SKAP1: variants seen among roughly 807,000 people sequenced by gnomAD.
The protein encoded by SKAP1 is src kinase-associated phosphoprotein 1.
A neutral mutation model predicts 58.5 loss-of-function variants in SKAP1; 44 were observed. That is an observed-to-expected ratio of 0.75 (90% CI 0.59 to 0.97). The LOEUF is 0.97. Among genes scored for constraint, SKAP1 ranks in the 50% least tolerant of loss-of-function variants. The pLI is 0.00. For missense variants in SKAP1, 390 were observed against 435.2 expected (o/e 0.90, Z 0.92); for synonymous variants, 127 against 149.7 (o/e 0.85, Z 1.11).
At chr17:48,220,713 C>T (rs544647294) in intron 4 of SKAP1, among the ~76,000 whole-genome samples, 52 of 151,716 alleles carry the variant, frequency 3.4e-4, no homozygotes, top group Admixed American at 1.1e-3. Flanking sequence ...AAAAGCCGGG[C>T]GTGGTTGCAC....
chr17:48,243,434 G>A (rs2325886), intron 4 of SKAP1, among the ~76,000 whole-genome samples: 126,719 of 152,196 alleles, frequency 0.83, 52,812 homozygotes, highest in East Asian at 0.95. Context: ...CTTTTTGCAT[G>A]TGTAATTTGT....
At chr17:48,421,860 G>T (rs917653326) in intron 1 of SKAP1, among the ~76,000 whole-genome samples, 3 of 152,090 alleles carry the variant, frequency 2.0e-5, no homozygotes, top group African/African-American at 7.2e-5. Context: ...CCTCCATAAA[G>T]TTTCTCATCA....
chr17:48,144,215 T>C (rs1185617606), intron 11 of SKAP1, among the ~76,000 whole-genome samples: 3 of 152,162 alleles, frequency 2.0e-5, no homozygotes, highest in Admixed American at 1.3e-4. Flanking sequence ...GGTCCCGGGA[T>C]CTGACTGTCT....
intron 11 of SKAP1, among the ~76,000 whole-genome samples, chr17:48,157,114 C>A (rs895280604): frequency 2.0e-5 from 3 of 152,072 alleles, no homozygotes; most frequent in African/African-American, 7.2e-5. Context: ...GGTGAGGAAA[C>A]TGAAGATTAT....
Position 48,241,466 on chromosome 17 carries a change from A to G in SKAP1, c.281-51966T>C, listed in dbSNP as rs572583109. ...CTCAATTTGGGCTGACAGCTCATGA[A>G]CAGATCATCTGAAGTCTTAATAGGC... On this transcript the variant is annotated intron_variant, in intron 4 of 12. Transcript: ENST00000336915. 2.0e-5 allele frequency among the ~76,000 whole-genome samples: 3 copies of G among 152,310 alleles called. No individual in the cohort carries two copies. The South Asian group carries it at 6.2e-4, about 32-fold the overall frequency.
At chr17:48,218,663 G>C (rs900455451) in intron 4 of SKAP1, among the ~76,000 whole-genome samples, 6 of 152,204 alleles carry the variant, frequency 3.9e-5, no homozygotes, top group African/African-American at 1.4e-4. Context: ...GACATTTACA[G>C]AGATCTCATA....
chr17:48,228,676 G>A (rs1018494386), intron 4 of SKAP1, among the ~76,000 whole-genome samples: 12 of 152,144 alleles, frequency 7.9e-5, no homozygotes, highest in African/African-American at 2.9e-4. Flanking sequence ...TGATGTAGGC[G>A]TTTTCCCATT....
At chr17:48,325,843 A>T (rs2066430179) in intron 4 of SKAP1, among the ~76,000 whole-genome samples, 1 of 152,212 alleles carries the variant, frequency 6.6e-6, no homozygotes, top group Non-Finnish European at 1.5e-5. Context: ...AAGGGAAAAC[A>T]ATGTATATCT....
At chr17:48,346,971 TA>T (rs1305175664) in intron 3 of SKAP1, among the ~76,000 whole-genome samples, 3 of 152,228 alleles carry the variant, frequency 2.0e-5, no homozygotes, top group Admixed American at 1.3e-4. Flanking sequence ...TGATAAAAGG[TA>T]ATGTATATAC....
intron 4 of SKAP1, among the ~76,000 whole-genome samples, chr17:48,310,471 A>C (rs781034530): frequency 2.0e-5 from 3 of 152,216 alleles, no homozygotes; most frequent in Non-Finnish European, 4.4e-5. Context: ...AATTTCTGTC[A>C]ATAGAATGTG....
At chr17:48,152,643 A>T (rs2063915188) in intron 11 of SKAP1, among the ~76,000 whole-genome samples, 1 of 152,180 alleles carries the variant, frequency 6.6e-6, no homozygotes, top group Admixed American at 6.5e-5. Context: ...ACATGGGCAT[A>T]TCTAATAAAT....
intron 1 of SKAP1, among the ~76,000 whole-genome samples, chr17:48,414,289 A>G (rs2067705627): frequency 6.6e-6 from 1 of 152,178 alleles, no homozygotes; most frequent in Non-Finnish European, 1.5e-5. Context: ...CCCCAAAATT[A>G]GCAGGCCAAG....
chr17:48,149,037 G>A (rs1478621106), intron 11 of SKAP1, among the ~76,000 whole-genome samples: 1 of 152,300 alleles, frequency 6.6e-6, no homozygotes, highest in East Asian at 1.9e-4. Flanking sequence ...CTAGGGTGAT[G>A]TGTTCATTTG....
intron 2 of SKAP1, among the ~76,000 whole-genome samples, chr17:48,381,536 A>T (rs751379438): frequency 6.6e-6 from 1 of 152,222 alleles, no homozygotes; most frequent in African/African-American, 2.4e-5. Context: ...GGGCTTTTAC[A>T]GTATTATGTA....
At chr17:48,370,669 A>G (rs982320253) in intron 2 of SKAP1, among the ~76,000 whole-genome samples, 1 of 152,178 alleles carries the variant, frequency 6.6e-6, no homozygotes, top group Non-Finnish European at 1.5e-5. Context: ...ACACTTATAC[A>G]TTGTTGGTGG....
intron 4 of SKAP1, among the ~76,000 whole-genome samples, chr17:48,250,272 G>GTTTTTTTTTTTTT (rs755523173): frequency 1.4e-5 from 1 of 74,052 alleles, no homozygotes; most frequent in African/African-American, 5.4e-5. Context: ...GCCATAGACA[G>GTTTTTTTTTTTTT]TTTTTTTTTT....
At chr17:48,327,380 C>T (rs191181464) in intron 4 of SKAP1, among the ~76,000 whole-genome samples, 2 of 152,286 alleles carry the variant, frequency 1.3e-5, no homozygotes, top group Admixed American at 1.3e-4. Flanking sequence ...AAGTTCGAGA[C>T]TAAGTGATAG....
chr17:48,240,837 C>G (rs1323868831), intron 4 of SKAP1, among the ~76,000 whole-genome samples: 1 of 152,162 alleles, frequency 6.6e-6, no homozygotes. Flanking sequence ...AAGATATTAC[C>G]AGCTGAACTC....
chr17:48,421,199 T>C (rs1038103610), intron 1 of SKAP1, among the ~76,000 whole-genome samples: 1 of 152,178 alleles, frequency 6.6e-6, no homozygotes, highest in Admixed American at 6.5e-5. Flanking sequence ...CCACGTTTTT[T>C]TAAATTTTAG....
Sources: gnomAD v4.1 joint callset for allele counts (sites outside exome capture counted in the v4.1 genomes callset) on GRCh38, gnomAD v4.1.1 for gene constraint, MANE v1.5 for transcripts, NCBI Gene and HGNC (gene_info 2026-07-23, HGNC 2026-07-21) for gene names.